Variants in ANK2 observed in about 807,000 individuals in gnomAD.
The protein encoded by ANK2 is ankyrin 2.
A neutral mutation model predicts 360.5 loss-of-function variants in ANK2; 83 were observed. The ratio of observed to expected loss-of-function variants is 0.23; its 90% CI spans 0.19 to 0.28. ANK2 has a LOEUF of 0.28. Among genes scored for constraint, ANK2 ranks in the 10% least tolerant of loss-of-function variants. The pLI is 1.00. For synonymous variants in ANK2, 1,740 were observed against 1,759.5 expected (o/e 0.99, Z 0.28); for missense variants, 4,201 against 4,795.7 (o/e 0.88, Z 3.66).
At chr4:113,067,667 G>T (rs547303255) in intron 1 of ANK2, among the ~76,000 whole-genome samples, 1 of 152,226 alleles carries the variant, frequency 6.6e-6, no homozygotes, top group Non-Finnish European at 1.5e-5. Flanking sequence ...AGGTCTTCAG[G>T]TTGGAGGCAA....
At chr4:113,166,166 CAG>C (rs1424023270) in intron 1 of ANK2, among the ~76,000 whole-genome samples, 1 of 152,080 alleles carries the variant, frequency 6.6e-6, no homozygotes, top group Non-Finnish European at 1.5e-5. Context: ...AGGAAACTAA[CAG>C]AATAATAAAC....
chr4:113,119,367 TAGAC>T (rs1327487062), intron 1 of ANK2, among the ~76,000 whole-genome samples: 7 of 152,040 alleles, frequency 4.6e-5, no homozygotes, highest in Admixed American at 1.3e-4. Flanking sequence ...ATTTTCTAGA[TAGAC>T]AGTCCCTCCC....
At chr4:112,763,321 C>T in the ANK2 span, among the ~76,000 whole-genome samples, 3 of 151,842 alleles carry the variant, frequency 2.0e-5, no homozygotes, top group African/African-American at 7.3e-5. Context: ...CTCCGTCTCC[C>T]GGGTTTACGC....
chr4:112,802,777 A>G, the ANK2 span, among the ~76,000 whole-genome samples: 1 of 152,196 alleles, frequency 6.6e-6, no homozygotes, highest in Non-Finnish European at 1.5e-5. Flanking sequence ...AACAAAAACA[A>G]AAACAAAAAC....
chr4:112,991,062 C>T (rs748942331), intron 2 of ANK2, among the ~76,000 whole-genome samples: 2 of 151,922 alleles, frequency 1.3e-5, no homozygotes, highest in Non-Finnish European at 2.9e-5. Flanking sequence ...CCATCCTGGC[C>T]AACATGGTGA....
chr4:113,017,579 C>G (rs2056975179), intron 2 of ANK2, among the ~76,000 whole-genome samples: 1 of 152,190 alleles, frequency 6.6e-6, no homozygotes. Flanking sequence ...TATGCTGCAA[C>G]TACAAATCTT....
At chr4:113,248,057 G>C (rs1309725220) in intron 9 of ANK2, among the ~76,000 whole-genome samples, 1 of 151,984 alleles carries the variant, frequency 6.6e-6, no homozygotes, top group African/African-American at 2.4e-5. Context: ...CTTTTTTTCT[G>C]AGAAGGCAAT....
intron 14 of ANK2, among the ~76,000 whole-genome samples, chr4:113,269,964 T>G (rs2057896124): frequency 6.6e-6 from 1 of 152,232 alleles, no homozygotes; most frequent in African/African-American, 2.4e-5. Flanking sequence ...CCACATAGTG[T>G]AATTTATGTT....
intron 1 of ANK2, among the ~76,000 whole-genome samples, chr4:112,867,303 C>T (rs776127437): frequency 1.3e-4 from 20 of 151,928 alleles, no homozygotes; most frequent in Non-Finnish European, 2.2e-4. Flanking sequence ...TCTCTGGTAG[C>T]ATTTTTCTGG....
At position 113,094,590 on chromosome 4, in the gene ANK2, C is replaced by T. The variant is rs80062830; in HGVS notation, c.84+44778C>T. Among the ~76,000 whole-genome samples, 1,475 of 152,066 alleles carry T rather than the reference C, an allele frequency of 9.7e-3. 41 individuals carry two copies. The East Asian group carries it at 0.1, about 11-fold the overall frequency. The stretch of plus-strand genomic sequence containing the variant: ...TAAACATTGAAGCTGCAGTGTATTA[C>T]AGTTATCTTCTTGTTAGCAGCTTTT... On this transcript the variant is annotated intron_variant, in intron 1 of 45. Coordinates refer to ENST00000357077, the MANE Select transcript of ANK2 (RefSeq NM_001148.6).
chr4:113,095,335 C>T (rs2090524538), intron 1 of ANK2, among the ~76,000 whole-genome samples: 2 of 151,904 alleles, frequency 1.3e-5, no homozygotes, highest in African/African-American at 2.4e-5. Flanking sequence ...CCTTTTGTGC[C>T]TTTTTCTTCT....
chr4:113,240,698 C>A (rs1462673836), intron 8 of ANK2, 115 bp downstream of exon 8: 3 of 902,666 alleles, frequency 3.3e-6, no homozygotes, highest in Non-Finnish European at 5.3e-6. Context: ...TTACCTGGGT[C>A]TGTGCTGGAG....
intron 1 of ANK2, chr4:112,881,732 A>AG (rs2076745760): frequency 1.7e-6 from 1 of 588,660 alleles, no homozygotes; most frequent in African/African-American, 1.8e-5. Flanking sequence ...CCACTGCCTC[A>AG]GTCAGTGATG....
chr4:112,879,684 C>T (rs2150402475), intron 1 of ANK2, among the ~76,000 whole-genome samples: 1 of 152,240 alleles, frequency 6.6e-6, no homozygotes, highest in Middle Eastern at 3.4e-3. Context: ...AGTTTTGGAA[C>T]CGTATATCTA....
chr4:112,752,077 T>A, the ANK2 span, among the ~76,000 whole-genome samples: 3 of 152,206 alleles, frequency 2.0e-5, no homozygotes, highest in Admixed American at 2.0e-4. Flanking sequence ...TGGCACAACC[T>A]GATCCCCACT....
chr4:112,959,010 G>A (rs372723765), intron 2 of ANK2, among the ~76,000 whole-genome samples: 4 of 152,068 alleles, frequency 2.6e-5, no homozygotes, highest in Non-Finnish European at 2.9e-5. Flanking sequence ...CACCACGCCC[G>A]GCTGATTTTT....
At chr4:112,795,006 C>T in the ANK2 span, among the ~76,000 whole-genome samples, 1 of 152,166 alleles carries the variant, frequency 6.6e-6, no homozygotes, top group African/African-American at 2.4e-5. Context: ...TGTCAAGCAA[C>T]AATAGCAGTA....
At chr4:113,233,888 C>T (rs1190160254) in intron 5 of ANK2, among the ~76,000 whole-genome samples, 1 of 152,084 alleles carries the variant, frequency 6.6e-6, no homozygotes, top group Non-Finnish European at 1.5e-5. Flanking sequence ...GATTTGGGAC[C>T]TTTTTTTCCC....
chr4:113,310,606 A>C (rs2079425632), intron 23 of ANK2, among the ~76,000 whole-genome samples: 2 of 152,088 alleles, frequency 1.3e-5, no homozygotes, highest in Admixed American at 1.3e-4. Flanking sequence ...TAGTAGAGAC[A>C]GGGTTTCACT....
Sources: allele counts gnomAD v4.1 joint callset (sites outside exome capture counted in the v4.1 genomes callset), GRCh38; gene constraint gnomAD v4.1.1; transcripts MANE v1.5; gene names NCBI Gene and HGNC (gene_info 2026-07-23, HGNC 2026-07-21).